Variants in MLC1 observed in about 807,000 individuals in gnomAD.
MLC1 encodes modulator of VRAC current 1.
MLC1 carries 32 observed loss-of-function variants against 44.7 expected under a neutral mutation model. That is an observed-to-expected ratio of 0.72 (90% CI 0.54 to 0.96). The LOEUF (loss-of-function observed/expected upper bound fraction) is 0.96, where lower values mean the gene tolerates loss of function less well. Ranked by LOEUF, MLC1 falls within the 40% of genes least tolerant of loss-of-function variation. The probability of loss-of-function intolerance (pLI) is 0.00; values close to 1 mark genes in which losing one functional copy is unlikely to be tolerated. For synonymous variants in MLC1, 190 were observed against 213.0 expected (o/e 0.89, Z 0.94); for missense variants, 459 against 492.2 (o/e 0.93, Z 0.64).
chr22:50,070,410 C>T, intron 9 of MLC1, 117 bp downstream of exon 9: 1 of 1,025,798 alleles, frequency 9.7e-7, no homozygotes, highest in South Asian at 1.4e-5. Context: ...GCCCTGCAGC[C>T]CAGTCACTGC....
chr22:50,069,961 G>A (rs2061808960), intron 9 of MLC1, among the ~76,000 whole-genome samples: 1 of 152,128 alleles, frequency 6.6e-6, no homozygotes, highest in Non-Finnish European at 1.5e-5. Context: ...CAGCACTTTG[G>A]GAGGTTGAGG....
chr22:50,082,202 G>C (rs1368388667), intron 3 of MLC1, among the ~76,000 whole-genome samples: 2 of 95,612 alleles, frequency 2.1e-5, no homozygotes, highest in African/African-American at 3.3e-5. Flanking sequence ...AGGGGCATGG[G>C]GTCCGCGGCT....
At position 50,060,645 on chromosome 22, in the gene MLC1, C is replaced by T. The variant is rs913091761; in HGVS notation, c.*938G>A. ...TGGGGCCAGGGAGACGTGGTCCAGC[C>T]GGTTTACAAAGCCTTGGATGCAGCC... On this transcript the variant is annotated 3_prime_UTR_variant, in exon 12 of 12. Coordinates refer to ENST00000311597, the MANE Select transcript of MLC1 (RefSeq NM_015166.4). 6.5e-5 allele frequency: 10 copies of T among 152,932 alleles called. No individual in the cohort carries two copies. Among genetic ancestry groups the T allele is most frequent in the Non-Finnish European group, 1.2e-4 (8 of 68,524 alleles). The allele number at this position is 152,932 out of a possible 1,614,324, so 9.5% of individuals were successfully genotyped here.
Position 50,070,564 on chromosome 22 carries a change from G to C in MLC1, c.734C>G (p.Ala245Gly). The C allele has an allele frequency of 6.4e-7, 1 of 1,565,328 alleles. No homozygotes were observed. Among genetic ancestry groups the C allele is most frequent in the Admixed American group, 1.9e-5 (1 of 52,804 alleles). Residue 245 changes from alanine (A) to glycine (G), a missense_variant, in exon 9 of 12, where the codon GCC (alanine) becomes GGC (glycine). Coordinates refer to ENST00000311597, the MANE Select transcript of MLC1 (RefSeq NM_015166.4). Reference sequence around the variant, plus strand: ...GGGACACTCTGCTGCCACATGACTGGCAATGGCACTTGGAAAGCACTAAGA... The same window carrying C: ...GGGACACTCTGCTGCCACATGACTGCCAATGGCACTTGGAAAGCACTAAGA... ...ILVACFPSAI[A>G]SHVAAECPSK...
intron 8 of MLC1, among the ~76,000 whole-genome samples, chr22:50,072,974 C>T (rs1480273772): frequency 6.6e-6 from 1 of 152,278 alleles, no homozygotes; most frequent in African/African-American, 2.4e-5. Flanking sequence ...GGAGCTGAAA[C>T]ACAGCTGCTG....
chr22:50,081,033 G>GAAAGAAAGAAAGAAAGAAAGAA (rs2062119595), intron 3 of MLC1, among the ~76,000 whole-genome samples: 3 of 146,192 alleles, frequency 2.1e-5, no homozygotes, highest in African/African-American at 8.2e-5. Context: ...AAGAAAGAAA[G>GAAAGAAAGAAAGAAAGAAAGAA]AAAGAAAGAA....
Position 50,076,761 on chromosome 22 carries a change from T to C in MLC1, c.597+80A>G, listed in dbSNP as rs139999640. The C allele has an allele frequency of 4.6e-4, 693 of 1,498,528 alleles. 9 individuals are homozygous for C. In the Admixed American group the frequency reaches 0.012, roughly 25 times the overall value. 92.8% of individuals were successfully genotyped at this position (1,498,528 alleles called of 1,614,324 possible). On this transcript the variant is annotated intron_variant, in intron 7 of 11. Transcript: ENST00000311597. ...CAGCCAACTCTTCGCCAACTCGGAA[T>C]CGAAACGTGACGTTTAATCCAGCCT...
At chr22:50,072,144 T>C (rs2061867542) in intron 8 of MLC1, among the ~76,000 whole-genome samples, 1 of 152,186 alleles carries the variant, frequency 6.6e-6, no homozygotes, top group South Asian at 2.1e-4. Flanking sequence ...GGCTTCAGGG[T>C]GGCCTATTCA....
chr22:50,077,294 G>A (rs2062007575), intron 6 of MLC1, 107 bp downstream of exon 6: 1 of 1,001,372 alleles, frequency 1.0e-6, no homozygotes, highest in Admixed American at 2.0e-5. Context: ...GGAATGCCCT[G>A]GAGCAGCCCA....
In MLC1 at chr22:50,084,658, G is replaced by A. The variant is rs2062235555; in HGVS notation, c.177+68C>T. 9.7e-6 allele frequency: 15 copies of A among 1,546,420 alleles called. No homozygotes were observed. In the East Asian group the frequency reaches 2.2e-4, roughly 23 times the overall value. ...TCTGTCCCACCTGGGGCTCCAGGGC[G>A]CTGCAGTCCGTCACCAGAGGGACCA... On this transcript the variant is annotated intron_variant, in intron 2 of 11. Transcript: ENST00000311597.
At chr22:50,065,881 C>T (rs73183374) in intron 10 of MLC1, among the ~76,000 whole-genome samples, 18,563 of 152,210 alleles carry the variant, frequency 0.12, 1,276 homozygotes, top group South Asian at 0.23. Context: ...AGGTTGTTCA[C>T]GGAGGAGTTA....
rs755873573 is a variant in MLC1 at position 50,076,911 on chromosome 22, CCCTACGAAGAA to C, written c.526-10_526del. On this transcript the variant is annotated splice_acceptor_variant and splice_polypyrimidine_tract_variant and coding_sequence_variant and intron_variant, in exon 7 of 12. Coordinates refer to ENST00000311597, the MANE Select transcript of MLC1 (RefSeq NM_015166.4). LOFTEE classifies it high-confidence loss of function. ...AATGTTGGCGCTGTCAGACATGGAG[CCCTACGAAGAA>C]ACAGAACTGTCACCCCGGGTGCACG... The C allele has an allele frequency of 1.2e-6, 2 of 1,613,926 alleles. No homozygotes were observed. Among genetic ancestry groups the C allele is most frequent in the Non-Finnish European group, 1.7e-6 (2 of 1,179,858 alleles).
rs878961790 is a variant in MLC1, at chr22:50,077,368, C to T, written c.525+33G>A. Reference sequence around the variant, plus strand: ...TCACCCTGGGGTGATGCCTCTGCACCCCCTGCCCTGCGGGGTCAGAAGCTG... The same window carrying T: ...TCACCCTGGGGTGATGCCTCTGCACTCCCTGCCCTGCGGGGTCAGAAGCTG... On this transcript the variant is annotated intron_variant, in intron 6 of 11. Transcript: ENST00000311597. 4 of 1,593,794 alleles carry T rather than the reference C, an allele frequency of 2.5e-6. No individual in the cohort carries two copies. The South Asian group carries it at 4.4e-5, about 18-fold the overall frequency.
At position 50,061,581 on chromosome 22, in the gene MLC1, G is replaced by A. The variant is rs763616187; in HGVS notation, c.*2C>T. On this transcript the variant is annotated 3_prime_UTR_variant, in exon 12 of 12. Transcript: ENST00000311597. ...CTGCCACCCGGTTTCCGCGTCTGGG[G>A]GTCACTGGGCCATTTGCACCACGAC... is the stretch of plus-strand genomic sequence containing the variant. 4 of 1,613,622 alleles carry A rather than the reference G, an allele frequency of 2.5e-6. No homozygotes were observed. Among genetic ancestry groups the A allele is most frequent in the Admixed American group, 1.7e-5 (1 of 60,026 alleles).
In MLC1 at chr22:50,074,297, G is replaced by C. The variant is rs150349924; in HGVS notation, c.633C>G (p.Leu211=). Residue 211 remains leucine, a synonymous_variant, in exon 8 of 12, where the codon CTC becomes CTG. Coordinates refer to ENST00000311597, the MANE Select transcript of MLC1 (RefSeq NM_015166.4). ...CCACGTTCAGGGCAATGATCCCCCC[G>C]AGGACGGCAGAGATGCCTGCGATTA... ...VEVIAGISAV[L]GGIIALNVDD... 5.0e-6 allele frequency: 8 copies of C among 1,614,096 alleles called. No homozygotes were observed. In the East Asian group the frequency reaches 1.3e-4, roughly 27 times the overall value.
rs748415683 is a variant in MLC1, at chr22:50,064,081, C to G, written c.1012G>C (p.Ala338Pro). ...GGGCCGTTCTGGGTGTCCCAGGATG[C>G]ACCCTGCAGCCTTGCACTGACCTTG... ...RFKVSARLQG[A>P]SWDTQNGPQE... The change falls in exon 11 of 12, where the codon GCA becomes CCA. Residue 338 changes from alanine to proline, a missense_variant. Ala to Pro is a conservative substitution (Grantham distance 27). Transcript: ENST00000311597. 2 of 1,599,224 alleles carry G rather than the reference C, an allele frequency of 1.3e-6. No individual in the cohort carries two copies. The highest frequency in any genetic ancestry group is 1.4e-5 in the African/African-American group (1 of 73,042).
intron 7 of MLC1, 154 bp from the exon 8 acceptor site, chr22:50,074,486 C>T (rs1602024165): frequency 2.8e-6 from 2 of 705,376 alleles, no homozygotes; most frequent in East Asian, 2.7e-5. Flanking sequence ...GACCCCCAGC[C>T]TCACCTGGCC....
At chr22:50,079,496 T>C (rs2062063402) in intron 5 of MLC1, among the ~76,000 whole-genome samples, 1 of 140,528 alleles carries the variant, frequency 7.1e-6, no homozygotes, top group Admixed American at 7.8e-5. Flanking sequence ...TTTGGGATTT[T>C]TGTCTTTTTT....
chr22:50,071,473 T>C (rs1376924274), intron 8 of MLC1, among the ~76,000 whole-genome samples: 5 of 152,238 alleles, frequency 3.3e-5, no homozygotes, highest in Admixed American at 3.3e-4. Context: ...AGTCTCCTTG[T>C]GGGTCCCTGT....
Sources: allele counts gnomAD v4.1 joint callset (sites outside exome capture counted in the v4.1 genomes callset), GRCh38; gene constraint gnomAD v4.1.1; transcripts MANE v1.5; gene names NCBI Gene and HGNC (gene_info 2026-07-23, HGNC 2026-07-21).